The following SLC49A3 variants were observed in gnomAD, a reference collection of about 807,000 sequenced individuals.
SLC49A3 encodes the protein solute carrier family 49 member 3.
Under a neutral mutation model 43.8 loss-of-function variants are expected in SLC49A3, and 50 were observed. The observed-to-expected ratio is 1.14, with a 90% CI of 0.91 to 1.45. The LOEUF is 1.45. SLC49A3 is among the 40% of genes most tolerant of loss of function. The pLI, the probability that SLC49A3 is intolerant of heterozygous loss-of-function variation, is 0.00. For missense variants in SLC49A3, 906 were observed against 774.1 expected (o/e 1.17, Z -2.02); for synonymous variants, 413 against 352.0 (o/e 1.17, Z -1.94).
In SLC49A3 at chr4:682,275, G is replaced by C. The variant is rs973463104; in HGVS notation, c.1363C>G (p.Pro455Ala). The stretch of plus-strand genomic sequence containing the variant: ...CCCACGGCGTTACGGGTGGAGGGGG[G>C]CTCCCCAGACTCGGCCTGCAGGCGC... ...YRRLQAESGE[P>A]PSTRNAVGGA... is the part of the protein sequence containing the mutation. Residue 455 changes from proline (P) to alanine (A), a missense_variant, in exon 10 of 10, where the codon CCC (proline) becomes GCC (alanine). Coordinates refer to ENST00000322224, the MANE Select transcript of SLC49A3 (RefSeq NM_032219.4). 5 of 1,370,422 alleles carry C rather than the reference G, an allele frequency of 3.6e-6. No homozygotes were observed. Among genetic ancestry groups the C allele is most frequent in the Non-Finnish European group, 3.8e-6 (4 of 1,051,082 alleles). 84.9% of individuals were successfully genotyped at this position (1,370,422 alleles called of 1,614,324 possible). A position where few individuals can be genotyped will look rare whatever the true frequency, so the allele number is the denominator to read the frequency against.
Position 683,339 on chromosome 4 carries a change from G to A in SLC49A3, c.1022C>T (p.Ala341Val), listed in dbSNP as rs770218183. The A allele has an allele frequency of 1.6e-5, 25 of 1,611,986 alleles. No individual in the cohort carries two copies. Among genetic ancestry groups the A allele is most frequent in the East Asian group, 2.2e-5 (1 of 44,882 alleles). The change falls in exon 8 of 10, where the codon GCC becomes GTC. Residue 341 changes from alanine (A) to valine (V), a missense_variant. Ala to Val is a moderately conservative substitution (Grantham distance 64). Transcript: ENST00000322224. ...GAGCAGCGAGCAGGTGGCAGCCAGGGCAAGGGTCTGTCCCTGCAGCTGGGA... is the reference window on the plus strand; with the variant it reads ...GAGCAGCGAGCAGGTGGCAGCCAGGACAAGGGTCTGTCCCTGCAGCTGGGA... ...LVSQLQGQTL[A>V]LAATCSLLGL...
chr4:684,067 A>C (rs1740465666), intron 6 of SLC49A3, among the ~76,000 whole-genome samples: 1 of 152,230 alleles, frequency 6.6e-6, no homozygotes, highest in South Asian at 2.1e-4. Flanking sequence ...CTGAGCACTG[A>C]TCCCAGAAGG....
downstream of SLC49A3, chr4:678,867 CCTCA>C: frequency 6.2e-7 from 1 of 1,608,910 alleles, no homozygotes; most frequent in Non-Finnish European, 8.5e-7. Context: ...GGAAGCCTAT[CCTCA>C]GTCAGGGGTG....
chr4:679,081 C>CA (rs1560153498), downstream of SLC49A3: 2 of 1,478,172 alleles, frequency 1.4e-6, no homozygotes, highest in Non-Finnish European at 1.8e-6. Context: ...GAGGCGAACA[C>CA]AGAGGTCCTC....
intron 8 of SLC49A3, 148 bp from the exon 9 acceptor site, chr4:683,038 C>T (rs768281866): frequency 1.3e-5 from 15 of 1,121,698 alleles, no homozygotes; most frequent in Non-Finnish European, 1.9e-5. Flanking sequence ...CCCTATCAGC[C>T]GGCCCGGCCT....
intron 6 of SLC49A3, among the ~76,000 whole-genome samples, chr4:684,185 G>A (rs1740501051): frequency 6.6e-6 from 1 of 152,220 alleles, no homozygotes; most frequent in African/African-American, 2.4e-5. Flanking sequence ...CAGGGGCGGG[G>A]CCTTGCTGGG....
At chr4:687,598 G>A (rs867501700) in intron 1 of SLC49A3, among the ~76,000 whole-genome samples, 35 of 152,316 alleles carry the variant, frequency 2.3e-4, no homozygotes, top group Admixed American at 9.1e-4. Context: ...CTGGTTCCTC[G>A]GGGGCCTGAG....
Position 688,997 on chromosome 4 carries a change from G to A in SLC49A3, c.131C>T (p.Ala44Val), listed in dbSNP as rs1212193318. The part of the protein sequence containing the change: ...LAISLLNCSN[A>V]TLWLSFAPVA... ...TGTCCCCGCCCCTGCCCCTACCGTG[G>A]CGTTGGAGCAGTTGAGCAGGCTGAT... The change falls in exon 1 of 10, where the codon GCC becomes GTC. Residue 44 changes from alanine (A) to valine (V), a missense_variant. Physicochemically the swap from Ala to Val is moderately conservative, Grantham distance 64. Transcript: ENST00000322224. 2 of 1,594,550 alleles carry A rather than the reference G, an allele frequency of 1.3e-6. No individual in the cohort carries two copies. Among genetic ancestry groups the A allele is most frequent in the Non-Finnish European group, 1.7e-6 (2 of 1,172,476 alleles).
chr4:689,411 G>A (rs1186919005), upstream of SLC49A3: 7 of 258,296 alleles, frequency 2.7e-5, no homozygotes, highest in Non-Finnish European at 5.1e-5. Flanking sequence ...CTTCCGGGAA[G>A]GGCCCCGGTC....
downstream of SLC49A3, chr4:680,981 C>T: frequency 2.5e-6 from 3 of 1,209,946 alleles, no homozygotes; most frequent in Non-Finnish European, 3.5e-6. Flanking sequence ...GCGGGAAGGG[C>T]GGGAGTGCAG....
chr4:678,476 G>C (rs930302644), downstream of SLC49A3: 9 of 1,434,738 alleles, frequency 6.3e-6, no homozygotes, highest in Non-Finnish European at 5.5e-6. Flanking sequence ...ACCTGCAGCC[G>C]TCCTGCCCCC....
chr4:689,369 C>G, upstream of SLC49A3: 2 of 302,406 alleles, frequency 6.6e-6, no homozygotes, highest in Non-Finnish European at 1.2e-5. Context: ...CGGCCTCAGG[C>G]TGGAAGTCCC....
Position 683,687 on chromosome 4 carries a change from C to G in SLC49A3, c.915G>C (p.Val305=). The G allele has an allele frequency of 6.2e-7, 1 of 1,607,076 alleles. No homozygotes were observed. ...ILGALALGPY[V]DRTKHFTEAT... ...CCTCAGTGAAGTGCTTGGTCCGGTCCACATAGGGGCCGAGAGCCAGTGCCC... is the reference window on the plus strand; with the variant it reads ...CCTCAGTGAAGTGCTTGGTCCGGTCGACATAGGGGCCGAGAGCCAGTGCCC... The change falls in exon 7 of 10, where the codon GTG becomes GTC. Residue 305 remains valine (V), a synonymous_variant. Transcript: ENST00000322224.
intron 6 of SLC49A3, among the ~76,000 whole-genome samples, chr4:684,001 C>A (rs1296740147): frequency 6.6e-6 from 1 of 152,232 alleles, no homozygotes. Flanking sequence ...AGAGGCCCCA[C>A]AGGGCCGTGG....
At chr4:680,437 C>T, downstream of SLC49A3, 2 of 1,488,132 alleles carry the variant, frequency 1.3e-6, no homozygotes, top group South Asian at 2.3e-5. Context: ...GGTCTCCCCT[C>T]CTGCCATCTG....
chr4:685,060 C>G lies in SLC49A3; in HGVS notation c.586-204G>C, dbSNP rs759658929. On this transcript the variant is annotated intron_variant, in intron 4 of 9. Transcript: ENST00000322224. The surrounding 1 kb of genome is among the most constrained non-coding windows in gnomAD (Gnocchi z 4.3). The stretch of plus-strand genomic sequence containing the variant: ...GCTCATGGGGACCCCTGGCTGTCAA[C>G]GCATCCCTCACCAGTGACACCCTCC... 1.6e-6 allele frequency: 1 copy of G among 620,512 alleles called. No individual in the cohort carries two copies. Among genetic ancestry groups the G allele is most frequent in the African/African-American group, 1.9e-5 (1 of 53,472 alleles). The allele number at this position is 620,512 out of a possible 1,614,324, so 38.4% of individuals were successfully genotyped here. A position where few individuals can be genotyped will look rare whatever the true frequency, so the allele number is the denominator to read the frequency against.
At chr4:677,475 G>A (rs928788092), downstream of SLC49A3, among the ~76,000 whole-genome samples, 1 of 152,230 alleles carries the variant, frequency 6.6e-6, no homozygotes, top group African/African-American at 2.4e-5. Context: ...CAGGCAAGGA[G>A]CTCCCAGCCA....
At chr4:677,115 G>C (rs557931350), downstream of SLC49A3, among the ~76,000 whole-genome samples, 2 of 152,346 alleles carry the variant, frequency 1.3e-5, no homozygotes, top group South Asian at 4.1e-4. Flanking sequence ...CCGAGGGGCA[G>C]GTGCCCTGGG....
At chr4:690,912 G>A (rs1458409928), upstream of SLC49A3, among the ~76,000 whole-genome samples, 1 of 152,256 alleles carries the variant, frequency 6.6e-6, no homozygotes, top group Non-Finnish European at 1.5e-5. Context: ...CAAAGTTAAA[G>A]ACATTCATAA....
Sources: gnomAD v4.1 joint callset for allele counts (sites outside exome capture counted in the v4.1 genomes callset) on GRCh38, gnomAD v4.1.1 for gene constraint, Gnocchi (gnomAD v3.1) non-coding constraint, MANE v1.5 for transcripts, NCBI Gene and HGNC (gene_info 2026-07-23, HGNC 2026-07-21) for gene names.